Variants in TMEM210 observed in about 807,000 individuals in gnomAD.
The protein encoded by TMEM210 is transmembrane protein 210.
TMEM210 carries 7 observed loss-of-function variants against 10.3 expected under a neutral mutation model. The observed-to-expected ratio is 0.68, with a 90% CI of 0.39 to 1.28. The LOEUF (loss-of-function observed/expected upper bound fraction) is 1.28. Ranked by LOEUF, TMEM210 falls within the 50% of genes most tolerant of loss-of-function variation. The pLI, the probability that TMEM210 is intolerant of heterozygous loss-of-function variation, is 0.01. For synonymous variants in TMEM210, 79 were observed against 81.2 expected, an observed-to-expected ratio of 0.97 and a Z score of 0.14; for missense variants, 185 against 197.8, an observed-to-expected ratio of 0.94 and a Z score of 0.39.
chr9:137,171,725 G>A lies in TMEM210; in HGVS notation c.140C>T (p.Ala47Val), dbSNP rs775828351. 2 of 1,535,362 alleles carry A rather than the reference G, an allele frequency of 1.3e-6. No individual in the cohort carries two copies. The highest frequency in any genetic ancestry group is 2.0e-5 in the Admixed American group (1 of 50,940). ...GATGCCCGCCAGCACCACAAGGAGG[G>A]CGATGAGGGCCTCGCGGCTGAGGCC... ...SLGLSREALIALLVVLAGISA... is the reference protein window; with the variant it reads ...SLGLSREALIVLLVVLAGISA... The change falls in exon 2 of 4, where the codon GCC (alanine) becomes GTC (valine). Residue 47 changes from alanine to valine, a missense_variant. Physicochemically the swap from Ala to Val is moderately conservative, Grantham distance 64 (BLOSUM62 0). Transcript: ENST00000413619.
Position 137,170,971 on chromosome 9 carries a change from C to T in TMEM210, c.*4G>A, listed in dbSNP as rs1834095026. On this transcript the variant is annotated 3_prime_UTR_variant, in exon 4 of 4. Coordinates refer to ENST00000413619, the MANE Select transcript of TMEM210 (RefSeq NM_001282477.2). ...ATTCCCCTCCCCCAGCTGCCCTCAG[C>T]CCTCTACTCAGGTGGTAGGGGCGGG... 6.5e-7 allele frequency: 1 copy of T among 1,532,236 alleles called. No homozygotes were observed. The highest frequency in any genetic ancestry group is 1.4e-5 in the African/African-American group (1 of 72,858). 94.9% of individuals were successfully genotyped at this position (1,532,236 alleles called of 1,614,324 possible). A position where few individuals can be genotyped will look rare whatever the true frequency, so the allele number is the denominator to read the frequency against.
Position 137,170,952 on chromosome 9 carries a change from C to T in TMEM210, c.*23G>A. The T allele has an allele frequency of 6.6e-7, 1 of 1,525,702 alleles. No homozygotes were observed. The highest frequency in any genetic ancestry group is 8.8e-7 in the Non-Finnish European group (1 of 1,140,926). The allele number at this position is 1,525,702 out of a possible 1,614,324, so 94.5% of individuals were successfully genotyped here. On this transcript the variant is annotated 3_prime_UTR_variant, in exon 4 of 4. Transcript: ENST00000413619. ...AGCCACTAAATACGCTTTAATTCCC[C>T]TCCCCCAGCTGCCCTCAGCCCTCTA...
In TMEM210 at chr9:137,170,934, AAATACGCTTT is replaced by A; in HGVS notation, c.*31_*40del. On this transcript the variant is annotated 3_prime_UTR_variant, in exon 4 of 4. Transcript: ENST00000413619. ...GCAGGGAGGACAGTGCACAGCCACT[AAATACGCTTT>A]AATTCCCCTCCCCCAGCTGCCCTCA... 2 of 1,514,838 alleles carry A rather than the reference AAATACGCTTT, an allele frequency of 1.3e-6. No individual in the cohort carries two copies. Among genetic ancestry groups the A allele is most frequent in the Non-Finnish European group, 1.8e-6 (2 of 1,134,542 alleles). 93.8% of individuals were successfully genotyped at this position (1,514,838 alleles called of 1,614,324 possible).
At position 137,171,752 on chromosome 9, in the gene TMEM210, A is replaced by C; in HGVS notation, c.113T>G (p.Leu38Arg). 1 of 1,534,438 alleles carries C rather than the reference A, an allele frequency of 6.5e-7. No homozygotes were observed. The highest frequency in any genetic ancestry group is 8.7e-7 in the Non-Finnish European group (1 of 1,145,948). The change falls in exon 2 of 4, where the codon CTT becomes CGT. Residue 38 changes from leucine (L) to arginine (R), a missense_variant. Leu to Arg is a moderately radical substitution (Grantham distance 102, BLOSUM62 -2). Transcript: ENST00000413619. ...AAAGTYCECS[L>R]GLSREALIAL... ...GATGAGGGCCTCGCGGCTGAGGCCA[A>C]GGCTGCATTCACAGTAGGTTCCAGC...
chr9:137,171,372 C>T, intron 3 of TMEM210, 42 bp downstream of exon 3: 1 of 1,535,336 alleles, frequency 6.5e-7, no homozygotes, highest in Non-Finnish European at 8.7e-7. Context: ...AGGGCCTCCC[C>T]TGAGACAGCG....
In TMEM210 at chr9:137,171,110, G is replaced by A. The variant is rs773278154; in HGVS notation, c.309C>T (p.Tyr103=). 18 of 1,535,268 alleles carry A rather than the reference G, an allele frequency of 1.2e-5. No individual in the cohort carries two copies. The highest frequency in any genetic ancestry group is 7.3e-5 in the East Asian group (3 of 40,934). ...CAGCGTCCATTAGCTGGGACTCCAC[G>A]TAAACCGGGTGCAGGTCCATGAGAT... ...QEDLMDLHPV[Y]VESQLMDADL... The change falls in exon 4 of 4, where the codon TAC becomes TAT. Residue 103 remains tyrosine, a synonymous_variant. Coordinates refer to ENST00000413619, the MANE Select transcript of TMEM210 (RefSeq NM_001282477.2).
chr9:137,172,042 C>T lies in TMEM210; in HGVS notation c.-15G>A, dbSNP rs1309799639. On this transcript the variant is annotated 5_prime_UTR_variant, in exon 1 of 4. Coordinates refer to ENST00000413619, the MANE Select transcript of TMEM210 (RefSeq NM_001282477.2). ...CCGGGGGCCATGTCCAGCCCTGGCC[C>T]CACTGCACACCTCTGACGGAACTGT... is the stretch of plus-strand genomic sequence containing the variant. The T allele has an allele frequency of 7.3e-7, 1 of 1,377,946 alleles. No homozygotes were observed. The highest frequency in any genetic ancestry group is 1.5e-5 in the African/African-American group (1 of 67,844). The allele number at this position is 1,377,946 out of a possible 1,614,324, so 85.4% of individuals were successfully genotyped here.
At chr9:137,171,861 G>A in intron 1 of TMEM210, 79 bp downstream of exon 1, 1 of 1,444,026 alleles carries the variant, frequency 6.9e-7, no homozygotes, top group African/African-American at 1.4e-5. Flanking sequence ...GTAGCCACCA[G>A]AAGGACACCA....
chr9:137,172,040 C>G lies in TMEM210; in HGVS notation c.-13G>C. On this transcript the variant is annotated 5_prime_UTR_variant, in exon 1 of 4. Transcript: ENST00000413619. ...GACCGGGGGCCATGTCCAGCCCTGG[C>G]CCCACTGCACACCTCTGACGGAACT... 1 of 1,383,366 alleles carries G rather than the reference C, an allele frequency of 7.2e-7. No homozygotes were observed. Among genetic ancestry groups the G allele is most frequent in the South Asian group, 1.8e-5 (1 of 56,556 alleles). 85.7% of individuals were successfully genotyped at this position (1,383,366 alleles called of 1,614,324 possible).
Position 137,172,016 on chromosome 9 carries a change from AC to A in TMEM210, c.11del (p.Gly4ValfsTer105), listed in dbSNP as rs1368134582. ...CACGCAGGCAGGACACAGGCCAGGG[AC>A]CGGGGGCCATGTCCAGCCCTGGCCC... The part of the protein sequence containing the change: MAP[G>X]PWPVSCLRGG... On this transcript the variant is annotated frameshift_variant, in exon 1 of 4. Transcript: ENST00000413619. LOFTEE classifies it high-confidence loss of function. The A allele has an allele frequency of 8.6e-6, 12 of 1,400,974 alleles. No individual in the cohort carries two copies. The highest frequency in any genetic ancestry group is 2.9e-5 in the African/African-American group (2 of 68,576). The allele number at this position is 1,400,974 out of a possible 1,614,324, so 86.8% of individuals were successfully genotyped here.
chr9:137,171,345 G>A, intron 3 of TMEM210, 69 bp downstream of exon 3: 2 of 1,531,188 alleles, frequency 1.3e-6, no homozygotes, highest in Non-Finnish European at 8.7e-7. Context: ...ACTCCCCTGG[G>A]ATAGCTCCCC....
rs1000146335 is a variant in TMEM210, at chr9:137,170,959, A to G, written c.*16T>C. Reference sequence around the variant, plus strand: ...AAATACGCTTTAATTCCCCTCCCCCAGCTGCCCTCAGCCCTCTACTCAGGT... The same window carrying G: ...AAATACGCTTTAATTCCCCTCCCCCGGCTGCCCTCAGCCCTCTACTCAGGT... On this transcript the variant is annotated 3_prime_UTR_variant, in exon 4 of 4. Transcript: ENST00000413619. The G allele has an allele frequency of 6.5e-7, 1 of 1,527,526 alleles. No individual in the cohort carries two copies. The highest frequency in any genetic ancestry group is 8.8e-7 in the Non-Finnish European group (1 of 1,141,768). 94.6% of individuals were successfully genotyped at this position (1,527,526 alleles called of 1,614,324 possible). A position where few individuals can be genotyped will look rare whatever the true frequency, so the allele number is the denominator to read the frequency against.
At chr9:137,171,511 C>T in intron 2 of TMEM210, 68 bp from the exon 3 acceptor site, 1 of 1,535,074 alleles carries the variant, frequency 6.5e-7, no homozygotes, top group Non-Finnish European at 8.7e-7. Context: ...CCAGCACACG[C>T]CTAGGAAACG....
rs1805810891 is a variant in TMEM210, at chr9:137,171,939, C to T, written c.88+1G>A. 2.1e-6 allele frequency: 3 copies of T among 1,432,882 alleles called. No individual in the cohort carries two copies. The highest frequency in any genetic ancestry group is 1.5e-5 in the South Asian group (1 of 67,386). The allele number at this position is 1,432,882 out of a possible 1,614,324, so 88.8% of individuals were successfully genotyped here. A position where few individuals can be genotyped will look rare whatever the true frequency, so the allele number is the denominator to read the frequency against. On this transcript the variant is annotated splice_donor_variant, in intron 1 of 3. Coordinates refer to ENST00000413619, the MANE Select transcript of TMEM210 (RefSeq NM_001282477.2). LOFTEE classifies it high-confidence loss of function. ...TGGAGTGCGGGGGCAGGAGGAGGCACCTGCAGCAGGGATGAGCAGAAGGGA... is the reference window on the plus strand; with the variant it reads ...TGGAGTGCGGGGGCAGGAGGAGGCATCTGCAGCAGGGATGAGCAGAAGGGA...
Position 137,170,884 on chromosome 9 carries a change from C to G in TMEM210, c.*91G>C. 1 of 1,372,544 alleles carries G rather than the reference C, an allele frequency of 7.3e-7. No individual in the cohort carries two copies. Among genetic ancestry groups the G allele is most frequent in the South Asian group, 1.5e-5 (1 of 68,946 alleles). The allele number at this position is 1,372,544 out of a possible 1,614,324, so 85.0% of individuals were successfully genotyped here. A position where few individuals can be genotyped will look rare whatever the true frequency, so the allele number is the denominator to read the frequency against. ...CCACTAAACAAGCTTTAATTCCCCT[C>G]CCCCAGCTGCCCTCAGGAGGGCCTG... On this transcript the variant is annotated 3_prime_UTR_variant, in exon 4 of 4. Transcript: ENST00000413619.
Position 137,171,181 on chromosome 9 carries a change from G to C in TMEM210, c.255-17C>G. ...TCCACCAACCTGCATGACGGGCCGG[G>C]TCATCACGAGCTGGTAGAGTCCTTG... is the stretch of plus-strand genomic sequence containing the variant. On this transcript the variant is annotated splice_polypyrimidine_tract_variant and intron_variant, in intron 3 of 3. Transcript: ENST00000413619. 1 of 1,532,374 alleles carries C rather than the reference G, an allele frequency of 6.5e-7. No homozygotes were observed. The highest frequency in any genetic ancestry group is 8.7e-7 in the Non-Finnish European group (1 of 1,144,614). The allele number at this position is 1,532,374 out of a possible 1,614,324, so 94.9% of individuals were successfully genotyped here.
rs1310051166 is a variant in TMEM210, at chr9:137,170,987, TA to T, written c.431del (p.Leu144HisfsTer19). On this transcript the variant is annotated frameshift_variant, in exon 4 of 4. Transcript: ENST00000413619. LOFTEE classifies it high-confidence loss of function. ...SSEEPPPPPP[L>X]PPE is the part of the protein sequence containing the mutation. ...TGCCCTCAGCCCTCTACTCAGGTGG[TA>T]GGGGCGGGGGTGGTGGCGGCTCCTC... is the stretch of plus-strand genomic sequence containing the variant. 2 of 1,533,320 alleles carry T rather than the reference TA, an allele frequency of 1.3e-6. No homozygotes were observed. Among genetic ancestry groups the T allele is most frequent in the Non-Finnish European group, 1.7e-6 (2 of 1,145,554 alleles). The allele number at this position is 1,533,320 out of a possible 1,614,324, so 95.0% of individuals were successfully genotyped here. A position where few individuals can be genotyped will look rare whatever the true frequency, so the allele number is the denominator to read the frequency against.
rs1337174900 is a variant in TMEM210 at position 137,171,395 on chromosome 9, G to A, written c.254+19C>T. The A allele has an allele frequency of 6.5e-7, 1 of 1,535,478 alleles. No homozygotes were observed. The highest frequency in any genetic ancestry group is 2.4e-5 in the East Asian group (1 of 40,902). ...CCCTGAGACAGCGTGCCTCCCTCGA[G>A]GGCCTCCCTGGTGCTCACCTGTTGT... On this transcript the variant is annotated intron_variant, in intron 3 of 3. Coordinates refer to ENST00000413619, the MANE Select transcript of TMEM210 (RefSeq NM_001282477.2).
Position 137,171,698 on chromosome 9 carries a change from C to T in TMEM210, c.167G>A (p.Ser56Asn), listed in dbSNP as rs776994689. ...GACGAGGGCACAGAAGCAGCTGGCA[C>T]TGATGCCCGCCAGCACCACAAGGAG... The part of the protein sequence containing the change: ...IALLVVLAGI[S>N]ASCFCALVIV... Residue 56 changes from serine to asparagine, a missense_variant, in exon 2 of 4, where the codon AGT becomes AAT. Transcript: ENST00000413619. The T allele has an allele frequency of 3.9e-6, 6 of 1,535,454 alleles. No homozygotes were observed. In the African/African-American group the frequency reaches 4.1e-5, roughly 11 times the overall value.
Sources: allele counts gnomAD v4.1 joint callset, GRCh38; gene constraint gnomAD v4.1.1; transcripts MANE v1.5; gene names NCBI Gene and HGNC (gene_info 2026-07-23, HGNC 2026-07-21).